CC2D2A: variants seen among roughly 807,000 people sequenced by gnomAD.
CC2D2A encodes the protein coiled-coil and C2 domain-containing protein 2A.
Under a neutral mutation model 212.9 loss-of-function variants are expected in CC2D2A, and 155 were observed. That is an observed-to-expected ratio of 0.73 (90% CI 0.64 to 0.83). The LOEUF is 0.83. Ranked by LOEUF, CC2D2A falls within the 40% of genes least tolerant of loss-of-function variation. The pLI is 0.00. For synonymous variants in CC2D2A, 667 were observed against 686.5 expected (o/e 0.97, Z 0.44); for missense variants, 1,856 against 1,956.2 (o/e 0.95, Z 0.97).
intron 24 of CC2D2A, among the ~76,000 whole-genome samples, chr4:15,566,521 G>A (rs1167932302): frequency 1.3e-5 from 2 of 152,132 alleles, no homozygotes; most frequent in African/African-American, 4.8e-5. Flanking sequence ...TTTGTTCTCA[G>A]CACACAGGCC....
chr4:15,481,100 G>A, intron 4 of CC2D2A: 1 of 471,610 alleles, frequency 2.1e-6, no homozygotes, highest in Non-Finnish European at 4.2e-6. Context: ...TAGAGGTGGA[G>A]CCTAGTGGGA....
intron 6 of CC2D2A, among the ~76,000 whole-genome samples, chr4:15,506,154 A>C (rs1317805840): frequency 2.6e-5 from 4 of 152,234 alleles, no homozygotes; most frequent in Non-Finnish European, 4.4e-5. Context: ...TATTACTTTA[A>C]GATTATACAA....
At chr4:15,526,886 C>T (rs1479875837) in intron 11 of CC2D2A, among the ~76,000 whole-genome samples, 1 of 152,174 alleles carries the variant, frequency 6.6e-6, no homozygotes, top group African/African-American at 2.4e-5. Flanking sequence ...ACACACTTGG[C>T]TCAGCTGCAC....
chr4:15,496,482 T>C (rs939322514), intron 4 of CC2D2A, among the ~76,000 whole-genome samples: 11 of 152,220 alleles, frequency 7.2e-5, no homozygotes, highest in Non-Finnish European at 7.3e-5. Flanking sequence ...TAGGGAGTCT[T>C]TCCCCCATTG....
At chr4:15,570,723 G>A (rs1193292845) in intron 28 of CC2D2A, among the ~76,000 whole-genome samples, 6 of 152,042 alleles carry the variant, frequency 3.9e-5, no homozygotes, top group Admixed American at 1.3e-4. Context: ...GGGCGTGGTG[G>A]TGCGCACCTG....
intron 10 of CC2D2A, 72 bp from the exon 11 acceptor site, chr4:15,516,550 AATG>A (rs1716882480): frequency 1.4e-6 from 2 of 1,416,246 alleles, no homozygotes; most frequent in Admixed American, 2.1e-5. Flanking sequence ...ATTTTCAAGA[AATG>A]TTGTTTGTGT....
At chr4:15,573,609 CTT>C (rs908784809) in intron 28 of CC2D2A, among the ~76,000 whole-genome samples, 11 of 152,108 alleles carry the variant, frequency 7.2e-5, no homozygotes, top group African/African-American at 2.4e-4. Context: ...TTTTTATACT[CTT>C]GTTTTCCTGT....
Position 15,557,412 on chromosome 4 carries a change from A to G in CC2D2A, c.2734A>G (p.Arg912Gly), listed in dbSNP as rs574421639. The change falls in exon 21 of 37, where the codon AGG becomes GGG. Residue 912 changes from arginine (R) to glycine (G), a missense_variant. Physicochemically the swap from Arg to Gly is moderately radical, Grantham distance 125. Around this residue, in one of 5 missense-constraint regions of CC2D2A, gnomAD observed 1,512 missense variants for 1,579.3 expected, o/e 0.96. Coordinates refer to ENST00000424120, the MANE Select transcript of CC2D2A (RefSeq NM_001378615.1). ...DQELNRSKRF[R>G]LLHLRSQEVP... is the part of the protein sequence containing the mutation. ...AGAATTAAATAGATCCAAACGATTT[A>G]GGCTTCTTCATCTTAGAAGCCAAGA... The G allele has an allele frequency of 7.5e-5, 121 of 1,613,220 alleles. 1 individual carries two copies. The South Asian group carries it at 1.2e-3, about 16-fold the overall frequency.
chr4:15,481,404 G>C, intron 4 of CC2D2A: 1 of 343,026 alleles, frequency 2.9e-6, no homozygotes, highest in South Asian at 2.3e-5. Context: ...CCAGCTACTT[G>C]GGAGGCTGAG....
rs191483856 is a variant in CC2D2A at position 15,544,643 on chromosome 4, C to A, written c.2181+3629C>A. Among the ~76,000 whole-genome samples the A allele has an allele frequency of 1.1e-3, 168 of 152,338 alleles. 4 individuals are homozygous for A. In the South Asian group the frequency reaches 0.034, roughly 30 times the overall value. On this transcript the variant is annotated intron_variant, in intron 17 of 36. Coordinates refer to ENST00000424120, the MANE Select transcript of CC2D2A (RefSeq NM_001378615.1). ...CTACCCAGGCAGCCTGTGAAACACACTCCCACTATGGGCACTTCTGAATGT... is the reference window on the plus strand; with the variant it reads ...CTACCCAGGCAGCCTGTGAAACACAATCCCACTATGGGCACTTCTGAATGT...
At chr4:15,552,935 A>T (rs1719082733) in intron 18 of CC2D2A, among the ~76,000 whole-genome samples, 1 of 152,198 alleles carries the variant, frequency 6.6e-6, no homozygotes, top group Non-Finnish European at 1.5e-5. Context: ...CCCACTCGAG[A>T]GTGCGTCATG....
intron 19 of CC2D2A, among the ~76,000 whole-genome samples, 184 bp downstream of exon 19, chr4:15,553,489 T>A (rs1222442388): frequency 3.3e-5 from 5 of 152,212 alleles, no homozygotes; most frequent in Admixed American, 3.3e-4. Flanking sequence ...GTCCAAAAAA[T>A]TAAAATATTA....
intron 1 of CC2D2A, among the ~76,000 whole-genome samples, chr4:15,474,143 G>A (rs1714014392): frequency 6.6e-6 from 1 of 152,178 alleles, no homozygotes; most frequent in East Asian, 1.9e-4. Flanking sequence ...TATCTTTGGT[G>A]GTCTGAGAGA....
At chr4:15,542,089 G>A (rs767193546) in intron 17 of CC2D2A, among the ~76,000 whole-genome samples, 6 of 151,782 alleles carry the variant, frequency 4.0e-5, no homozygotes, top group Non-Finnish European at 7.4e-5. Flanking sequence ...CTCTTTTGTC[G>A]CTTATAAGAA....
chr4:15,479,263 C>T lies in CC2D2A; in HGVS notation c.123+457C>T, dbSNP rs767192099. On this transcript the variant is annotated intron_variant, in intron 3 of 36. Coordinates refer to ENST00000424120, the MANE Select transcript of CC2D2A (RefSeq NM_001378615.1). ...TCCCGAGCCTGCTGGCAGATCCTCC[C>T]CCACCTCTCCGCAGGAGTTCCCCTC... The T allele has an allele frequency of 1.4e-5, 22 of 1,537,092 alleles. No individual in the cohort carries two copies. In the South Asian group the frequency reaches 2.3e-4, roughly 16 times the overall value.
chr4:15,562,601 T>TA (rs1438029315), intron 23 of CC2D2A, among the ~76,000 whole-genome samples: 10 of 152,324 alleles, frequency 6.6e-5, no homozygotes, highest in African/African-American at 2.4e-4. Flanking sequence ...ACCCAATAGT[T>TA]ACCATTTTAG....
At chr4:15,494,436 A>G (rs948457580) in intron 4 of CC2D2A, among the ~76,000 whole-genome samples, 13 of 152,260 alleles carry the variant, frequency 8.5e-5, no homozygotes, top group African/African-American at 2.9e-4. Context: ...AAGTCCCTCC[A>G]GAGCACCTCA....
In CC2D2A at chr4:15,596,939, T is replaced by A. The variant is rs369645908; in HGVS notation, c.4438-468T>A. ...ATATGTTTGTTGCTGCCACTAAATA[T>A]AAAGTTAAGGGAGAAAGCACAAGTT... On this transcript the variant is annotated intron_variant, in intron 34 of 36. Coordinates refer to ENST00000424120, the MANE Select transcript of CC2D2A (RefSeq NM_001378615.1). 1.8e-4 allele frequency among the ~76,000 whole-genome samples: 28 copies of A among 152,146 alleles called. 1 individual carries two copies. Among genetic ancestry groups the A allele is most frequent in the Admixed American group, 1.8e-3 (28 of 15,274 alleles).
At chr4:15,549,584 C>G (rs1718888411) in intron 17 of CC2D2A, among the ~76,000 whole-genome samples, 1 of 152,188 alleles carries the variant, frequency 6.6e-6, no homozygotes, top group African/African-American at 2.4e-5. Flanking sequence ...GGGCAGATCA[C>G]TTGAGGTCAG....
Sources: allele counts gnomAD v4.1 joint callset (sites outside exome capture counted in the v4.1 genomes callset), GRCh38; gene constraint gnomAD v4.1.1; regional missense constraint gnomAD v4.1.1; transcripts MANE v1.5; gene names NCBI Gene and HGNC (gene_info 2026-07-23, HGNC 2026-07-21).